The following EPS15 variants were observed in gnomAD, a reference collection of about 807,000 sequenced individuals.
The protein encoded by EPS15 is epidermal growth factor receptor pathway substrate 15.
EPS15 carries 72 observed loss-of-function variants against 113.8 expected under a neutral mutation model. The observed-to-expected ratio is 0.63, with a 90% CI of 0.52 to 0.77. EPS15 has a LOEUF of 0.77. EPS15 is among the 30% of genes least tolerant of loss of function. EPS15 has a pLI of 0.00. For synonymous variants in EPS15, 344 were observed against 363.4 expected (o/e 0.95, Z 0.61); for missense variants, 1,048 against 1,045.8 (o/e 1.00, Z -0.03).
At chr1:51,457,570 G>C (rs1570348647) in intron 8 of EPS15, 1 of 147,350 alleles carries the variant, frequency 6.8e-6, no homozygotes, top group South Asian at 2.1e-4. Flanking sequence ...CTTGGGGATG[G>C]GACCCAAGTC....
intron 11 of EPS15, among the ~76,000 whole-genome samples, chr1:51,441,684 A>T (rs1294308950): frequency 6.6e-6 from 1 of 152,262 alleles, no homozygotes. Flanking sequence ...CCACTAGTTA[A>T]TTCTCAAAAC....
intron 1 of EPS15, among the ~76,000 whole-genome samples, chr1:51,518,089 C>A (rs766315047): frequency 2.6e-5 from 4 of 152,134 alleles, no homozygotes; most frequent in African/African-American, 7.2e-5. Flanking sequence ...GAAGCACGCG[C>A]CACCAGCTCT....
At chr1:51,457,432 G>C (rs1654089187) in intron 8 of EPS15, 1 of 151,518 alleles carries the variant, frequency 6.6e-6, no homozygotes, top group African/African-American at 2.4e-5. Context: ...CAGGAAAAGG[G>C]GCACAAGGTG....
rs57230294 is a variant in EPS15 at position 51,429,643 on chromosome 1, GTT to G, written c.1041-7787_1041-7786del. Among the ~76,000 whole-genome samples the G allele has an allele frequency of 4.3e-3, 556 of 129,968 alleles. 6 individuals carry two copies. The highest frequency in any genetic ancestry group is 0.014 in the African/African-American group (514 of 36,586). 85.3% of individuals were successfully genotyped at this position (129,968 alleles called of 152,430 possible). ...AGACAGCCTTTTACTGTTGTTGTTGGTTTTTTTTTTTTTTTTCTTTTTTTTGA... is the reference window on the plus strand; with the variant it reads ...AGACAGCCTTTTACTGTTGTTGTTGGTTTTTTTTTTTTTTCTTTTTTTTGA... On this transcript the variant is annotated intron_variant, in intron 12 of 24. Transcript: ENST00000371733.
rs576450647 is a variant in EPS15, at chr1:51,470,868, T to C, written c.213+822A>G. Among the ~76,000 whole-genome samples the C allele has an allele frequency of 1.1e-3, 175 of 152,288 alleles. 1 individual carries two copies. The South Asian group carries it at 0.035, about 30-fold the overall frequency. On this transcript the variant is annotated intron_variant, in intron 4 of 24. Transcript: ENST00000371733. ...TTTCTAAAGCCTGGCTCATCATAGG[T>C]ACTCAACAAATATTTGCTGACTGAC...
At chr1:51,364,307 T>C (rs961723900) in intron 22 of EPS15, among the ~76,000 whole-genome samples, 1 of 152,038 alleles carries the variant, frequency 6.6e-6, no homozygotes, top group African/African-American at 2.4e-5. Context: ...CTTCAGGAAA[T>C]ATTCAATGCA....
At chr1:51,429,488 GA>G (rs1319807609) in intron 12 of EPS15, among the ~76,000 whole-genome samples, 4 of 151,244 alleles carry the variant, frequency 2.6e-5, no homozygotes, top group South Asian at 2.1e-4. Flanking sequence ...AAAAATTAAT[GA>G]AAAAAAAGTA....
chr1:51,516,938 T>C (rs1305684210), intron 1 of EPS15, among the ~76,000 whole-genome samples: 1 of 152,150 alleles, frequency 6.6e-6, no homozygotes, highest in Non-Finnish European at 1.5e-5. Flanking sequence ...TGAGTATGCC[T>C]ATGTCTAAAT....
chr1:51,484,380 A>G (rs1057092467), intron 1 of EPS15, among the ~76,000 whole-genome samples: 2 of 152,200 alleles, frequency 1.3e-5, no homozygotes, highest in Non-Finnish European at 2.9e-5. Flanking sequence ...TAGGCAACAC[A>G]GCGAGATCTT....
At position 51,490,930 on chromosome 1, in the gene EPS15, G is replaced by A. The variant is rs1339299697; in HGVS notation, c.34-9616C>T. Among the ~76,000 whole-genome samples, 4 of 152,166 alleles carry A rather than the reference G, an allele frequency of 2.6e-5. 1 individual carries two copies. Among genetic ancestry groups the A allele is most frequent in the Non-Finnish European group, 5.9e-5 (4 of 68,036 alleles). ...CTGTTTTTGCTATTGCTGTAGTTAT[G>A]TAAGATGTTACAATTAGGGAAAATT... On this transcript the variant is annotated intron_variant, in intron 1 of 24. Transcript: ENST00000371733.
intron 8 of EPS15, chr1:51,457,414 T>C (rs1353387373): frequency 2.0e-5 from 3 of 151,558 alleles, no homozygotes; most frequent in Non-Finnish European, 4.4e-5. Flanking sequence ...GAGAAATAAG[T>C]ACTAGTACAG....
chr1:51,424,592 T>C (rs1651044153), intron 12 of EPS15, among the ~76,000 whole-genome samples: 1 of 152,136 alleles, frequency 6.6e-6, no homozygotes, highest in East Asian at 1.9e-4. Context: ...AAGACAGATA[T>C]AAGACATTAT....
At chr1:51,486,895 C>T (rs1390559108) in intron 1 of EPS15, among the ~76,000 whole-genome samples, 3 of 151,988 alleles carry the variant, frequency 2.0e-5, no homozygotes, top group Admixed American at 1.3e-4. Context: ...GTCTTGAACT[C>T]CTGACCTCAG....
intron 8 of EPS15, among the ~76,000 whole-genome samples, chr1:51,449,854 G>T (rs976259122): frequency 6.6e-6 from 1 of 151,618 alleles, no homozygotes; most frequent in Non-Finnish European, 1.5e-5. Flanking sequence ...ATGGCTTCTG[G>T]GTGGGACCAC....
chr1:51,439,345 T>G (rs1652406242), intron 12 of EPS15, among the ~76,000 whole-genome samples: 1 of 152,070 alleles, frequency 6.6e-6, no homozygotes, highest in Non-Finnish European at 1.5e-5. Context: ...CTCAACATAG[T>G]CTCACAGATA....
intron 12 of EPS15, chr1:51,422,096 A>T (rs1421947887): frequency 7.5e-5 from 86 of 1,149,140 alleles, no homozygotes; most frequent in Non-Finnish European, 9.3e-5. Context: ...AGGATAGATT[A>T]AAAAAGGAAG....
chr1:51,368,942 G>A (rs1047185477), intron 21 of EPS15, among the ~76,000 whole-genome samples: 3 of 151,982 alleles, frequency 2.0e-5, no homozygotes, highest in Non-Finnish European at 4.4e-5. Flanking sequence ...CCTGAGTGGG[G>A]TGAAGATGCT....
chr1:51,474,160 TGTCA>T (rs1655436073), intron 2 of EPS15, among the ~76,000 whole-genome samples: 2 of 152,262 alleles, frequency 1.3e-5, no homozygotes, highest in Admixed American at 1.3e-4. Context: ...ATTTAGTCTT[TGTCA>T]TCTACAGGCA....
At chr1:51,431,174 A>T (rs1651703760) in intron 12 of EPS15, among the ~76,000 whole-genome samples, 1 of 152,204 alleles carries the variant, frequency 6.6e-6, no homozygotes, top group South Asian at 2.1e-4. Flanking sequence ...AGTAGCCATT[A>T]ATTATAAAAA....
Sources: gnomAD v4.1 joint callset for allele counts (sites outside exome capture counted in the v4.1 genomes callset) on GRCh38, gnomAD v4.1.1 for gene constraint, MANE v1.5 for transcripts, NCBI Gene and HGNC (gene_info 2026-07-23, HGNC 2026-07-21) for gene names.